Variants in TTN observed in about 807,000 individuals in gnomAD.
TTN encodes connectin.
TTN carries 1,525 observed loss-of-function variants against 3,223.0 expected under a neutral mutation model. The observed-to-expected ratio is 0.47, with a 90% CI of 0.45 to 0.49. TTN has a LOEUF of 0.49. TTN is among the 20% of genes least tolerant of loss of function. The pLI is 0.00. For synonymous variants in TTN, 14,094 were observed against 15,161.0 expected, an observed-to-expected ratio of 0.93 and a Z score of 5.17; for missense variants, 40,786 against 43,424.0, an observed-to-expected ratio of 0.94 and a Z score of 5.40.
Position 178,711,238 on chromosome 2 carries a change from G to C in TTN, c.27998C>G (p.Ser9333Cys). 1 of 1,613,798 alleles carries C rather than the reference G, an allele frequency of 6.2e-7. No homozygotes were observed. Among genetic ancestry groups the C allele is most frequent in the South Asian group, 1.1e-5 (1 of 91,074 alleles). ...AISGSEPISV[S>C]WYKDGKPLKD... ...CAATGGCTTGCCGTCTTTATACCAA[G>C]ACACGGAGATAGGTTCTGATCCACT... Residue 9333 changes from serine (S) to cysteine (C), a missense_variant, in exon 97 of 363, where the codon TCT becomes TGT. Transcript: ENST00000589042.
Position 178,734,328 on chromosome 2 carries a change from C to T in TTN, c.15496G>A (p.Glu5166Lys), listed in dbSNP as rs979660876. The T allele has an allele frequency of 1.9e-6, 3 of 1,586,106 alleles. No homozygotes were observed. The highest frequency in any genetic ancestry group is 1.3e-5 in the African/African-American group (1 of 74,114). Residue 5166 changes from glutamate to lysine, a missense_variant and splice_region_variant, in exon 52 of 363, where the codon GAA becomes AAA. Glu to Lys is a moderately conservative substitution (Grantham distance 56, BLOSUM62 1). Coordinates refer to ENST00000589042, the MANE Select transcript of TTN (RefSeq NM_001267550.2). The part of the protein sequence containing the change: ...CGCMATHLLK[E>K]PPTFVKKVDD... Reference sequence around the variant, plus strand: ...AGACATTAGTTTTTCAAGCACTAACCTTTGAGTAAGTGGGTTGCCATGCAG... The same window carrying T: ...AGACATTAGTTTTTCAAGCACTAACTTTTGAGTAAGTGGGTTGCCATGCAG...
chr2:178,729,015 T>C lies in TTN; in HGVS notation c.19023A>G (p.Ser6341=), dbSNP rs1256528190. 1 of 1,612,850 alleles carries C rather than the reference T, an allele frequency of 6.2e-7. No individual in the cohort carries two copies. Among genetic ancestry groups the C allele is most frequent in the African/African-American group, 1.3e-5 (1 of 74,866 alleles). ...GAAGTGTGGCCACACTGTCCACAAA[T>C]GAAATATAGACATTATCATCTTCAT... ...ILDEDDNVYI[S]FVDSVATLQI... Residue 6341 remains serine, a synonymous_variant, in exon 65 of 363, where the codon TCA becomes TCG. Coordinates refer to ENST00000589042, the MANE Select transcript of TTN (RefSeq NM_001267550.2).
chr2:178,543,759 G>T (rs1695719887), intron 346 of TTN, 75 bp downstream of exon 346: 1 of 1,559,286 alleles, frequency 6.4e-7, no homozygotes, highest in South Asian at 1.2e-5. Flanking sequence ...CTAGAGAGGT[G>T]ATCAATCATA....
At position 178,685,288 on chromosome 2, in the gene TTN, A is replaced by G; in HGVS notation, c.32435T>C (p.Ile10812Thr). The G allele has an allele frequency of 6.4e-7, 1 of 1,552,758 alleles. No individual in the cohort carries two copies. Among genetic ancestry groups the G allele is most frequent in the Non-Finnish European group, 8.7e-7 (1 of 1,147,796 alleles). The stretch of plus-strand genomic sequence containing the variant: ...TGGAGGCTCCTCTATTTTAGCAGGA[A>G]TTTTTGGTTTCAGTACAATTTTCTT... ...QEKKIVLKPK[I>T]PAKIEEPPPA... Residue 10812 changes from isoleucine (I) to threonine (T), a missense_variant, in exon 129 of 363, where the codon ATT becomes ACT. Physicochemically the swap from Ile to Thr is moderately conservative, Grantham distance 89 (BLOSUM62 -1). Coordinates refer to ENST00000589042, the MANE Select transcript of TTN (RefSeq NM_001267550.2).
chr2:178,775,975 T>C lies in TTN; in HGVS notation c.5889A>G (p.Lys1963=). Residue 1963 remains lysine, a synonymous_variant, in exon 28 of 363, where the codon AAA becomes AAG. Coordinates refer to ENST00000589042, the MANE Select transcript of TTN (RefSeq NM_001267550.2). Reference sequence around the variant, plus strand: ...CAGTGGTGTCAACAGGTCTATCCACTTTTTGTACTTCAAACTGAAGCTTTC... The same window carrying C: ...CAGTGGTGTCAACAGGTCTATCCACCTTTTGTACTTCAAACTGAAGCTTTC... ...EPGKLQFEVQ[K]VDRPVDTTET... is the part of the protein sequence containing the mutation. 6.2e-7 allele frequency: 1 copy of C among 1,614,182 alleles called. No individual in the cohort carries two copies. Among genetic ancestry groups the C allele is most frequent in the East Asian group, 2.2e-5 (1 of 44,886 alleles).
In TTN at chr2:178,672,647, G is replaced by A. The variant is rs727504775; in HGVS notation, c.34843C>T (p.Pro11615Ser). ...VPVPVQKKEA[P>S]PAKVPEVPKK... is the part of the protein sequence containing the mutation. ...AGAGAAGATGTACCTTTGGCTGGGG[G>A]TGCCTCTTTTTTCTGAACAGGAACA... Residue 11615 changes from proline to serine, a missense_variant, in exon 153 of 363, where the codon CCC becomes TCC. Transcript: ENST00000589042. 6 of 1,611,206 alleles carry A rather than the reference G, an allele frequency of 3.7e-6. No individual in the cohort carries two copies. The highest frequency in any genetic ancestry group is 1.7e-5 in the Admixed American group (1 of 59,658).
rs748511301 is a variant in TTN, at chr2:178,533,506, G to T, written c.103109C>A (p.Ala34370Glu). 6.2e-7 allele frequency: 1 copy of T among 1,613,502 alleles called. No homozygotes were observed. The highest frequency in any genetic ancestry group is 2.2e-5 in the East Asian group (1 of 44,874). ...TLRPMFKRLL[A>E]NAECQEGQSV... is the part of the protein sequence containing the mutation. ...TTGGCCTTCTTGGCATTCTGCATTT[G>T]CCAGTAACCTTTTGAACATGGGTCT... The change falls in exon 358 of 363, where the codon GCA becomes GAA. Residue 34370 changes from alanine to glutamate, a missense_variant. Transcript: ENST00000589042.
intron 98 of TTN, 94 bp from the exon 99 acceptor site, chr2:178,709,950 A>G: frequency 7.5e-7 from 1 of 1,326,614 alleles, no homozygotes; most frequent in Non-Finnish European, 1.0e-6. Flanking sequence ...ATTTTTAGTT[A>G]AAAATCAAGG....
chr2:178,806,875 A>C (rs546002913), intron 1 of TTN, among the ~76,000 whole-genome samples: 1 of 152,340 alleles, frequency 6.6e-6, no homozygotes, highest in African/African-American at 2.4e-5. Flanking sequence ...TGAGTAATAT[A>C]ACCTTGAACA....
chr2:178,752,849 T>C (rs545179339), intron 47 of TTN, among the ~76,000 whole-genome samples: 4 of 152,178 alleles, frequency 2.6e-5, no homozygotes, highest in South Asian at 2.1e-4. Flanking sequence ...TCTCCTAATA[T>C]ACACTTTTGG....
chr2:178,532,863 A>G lies in TTN; in HGVS notation c.103752T>C (p.Leu34584=). The G allele has an allele frequency of 6.2e-7, 1 of 1,613,956 alleles. No individual in the cohort carries two copies. The highest frequency in any genetic ancestry group is 8.5e-7 in the Non-Finnish European group (1 of 1,179,880). The change falls in exon 358 of 363, where the codon CTT becomes CTC. Residue 34584 remains leucine, a synonymous_variant. Coordinates refer to ENST00000589042, the MANE Select transcript of TTN (RefSeq NM_001267550.2). ...IRDQYEMPGK[L]DRVVQKRPKR... ...TGGGTCGTTTCTGTACAACTCTGTC[A>G]AGTTTCCCAGGCATTTCATACTGAT...
chr2:178,563,294 G>A lies in TTN; in HGVS notation c.82838C>T (p.Ala27613Val), dbSNP rs751779815. The A allele has an allele frequency of 6.2e-7, 1 of 1,613,626 alleles. No homozygotes were observed. Among genetic ancestry groups the A allele is most frequent in the South Asian group, 1.1e-5 (1 of 91,074 alleles). The change falls in exon 326 of 363, where the codon GCT (alanine) becomes GTT (valine). Residue 27613 changes from alanine to valine, a missense_variant. Coordinates refer to ENST00000589042, the MANE Select transcript of TTN (RefSeq NM_001267550.2). The surrounding 1 kb of genome is among the most constrained non-coding windows in gnomAD (Gnocchi z 4.5). ...AGTGCAGGTTGTCCATTCATCCGCAGCAGCTTCTTTGACCTCTACAACATA... is the reference window on the plus strand; with the variant it reads ...AGTGCAGGTTGTCCATTCATCCGCAACAGCTTCTTTGACCTCTACAACATA... ...KGYVVEVKEA[A>V]ADEWTTCTPP...
intron 218 of TTN, among the ~76,000 whole-genome samples, chr2:178,642,991 C>A (rs957779971): frequency 2.6e-5 from 4 of 151,950 alleles, no homozygotes; most frequent in African/African-American, 9.7e-5. Flanking sequence ...TTCAAAATTT[C>A]CTGTTGCGTC....
Position 178,607,778 on chromosome 2 carries a change from T to C in TTN, c.53002+7A>G, listed in dbSNP as rs747528330. On this transcript the variant is annotated splice_region_variant and intron_variant, in intron 276 of 362. Coordinates refer to ENST00000589042, the MANE Select transcript of TTN (RefSeq NM_001267550.2). The stretch of plus-strand genomic sequence containing the variant: ...ATCCATAATTTTATTCCAATAACGT[T>C]AAGTACCTTGTGGTTCAGCCACAGT... 1 of 1,612,842 alleles carries C rather than the reference T, an allele frequency of 6.2e-7. No homozygotes were observed.
chr2:178,674,078 A>C (rs537480912), intron 151 of TTN, among the ~76,000 whole-genome samples: 7 of 151,908 alleles, frequency 4.6e-5, no homozygotes, highest in Admixed American at 1.3e-4. Flanking sequence ...GGTCAGAAAA[A>C]AATTCAATCG....
chr2:178,712,858 C>CTAG lies in TTN; in HGVS notation c.27166_27167insCTA (p.Gly9055_Ser9056insThr), dbSNP rs1454091713. The stretch of plus-strand genomic sequence containing the variant: ...TCTGTCACCTGGTACTAGTTCACTG[C>CTAG]TACCTTTGAACCAGCTAACACTGAA... On this transcript the variant is annotated inframe_insertion, in exon 94 of 363. Transcript: ENST00000589042. 3 of 1,613,642 alleles carry CTAG rather than the reference C, an allele frequency of 1.9e-6. No individual in the cohort carries two copies. In the African/African-American group the frequency reaches 4.0e-5, roughly 22 times the overall value.
rs764842971 is a variant in TTN at position 178,590,507 on chromosome 2, A to G, written c.61218T>C (p.Tyr20406=). The G allele has an allele frequency of 1.9e-6, 3 of 1,613,008 alleles. No individual in the cohort carries two copies. The highest frequency in any genetic ancestry group is 2.5e-6 in the Non-Finnish European group (3 of 1,179,378). Residue 20406 remains tyrosine (Y), a synonymous_variant, in exon 304 of 363, where the codon TAT becomes TAC. Transcript: ENST00000589042. ...LSDGGSPILG[Y]VVECQKPGTA... is the part of the protein sequence containing the mutation. ...TGCCAGGTTTCTGACATTCCACTACATATCCTAGAATGGGGCTACCACCAT... is the reference window on the plus strand; with the variant it reads ...TGCCAGGTTTCTGACATTCCACTACGTATCCTAGAATGGGGCTACCACCAT...
chr2:178,633,184 T>C lies in TTN; in HGVS notation c.43086+3A>G, dbSNP rs2060017452. On this transcript the variant is annotated splice_donor_region_variant and intron_variant, in intron 233 of 362. Transcript: ENST00000589042. ...CCTATATAATTAGCTAATCTTGACT[T>C]ACAGGGGAAGCTGTCAAAGGCTGTC... is the stretch of plus-strand genomic sequence containing the variant. 6.2e-7 allele frequency: 1 copy of C among 1,610,000 alleles called. No individual in the cohort carries two copies. The highest frequency in any genetic ancestry group is 1.7e-5 in the Admixed American group (1 of 59,702).
rs1560260721 is a variant in TTN, at chr2:178,672,491, T to TA, written c.34856-11dup. 1 of 1,602,224 alleles carries TA rather than the reference T, an allele frequency of 6.2e-7. No individual in the cohort carries two copies. On this transcript the variant is annotated splice_polypyrimidine_tract_variant and intron_variant, in intron 153 of 362. Transcript: ENST00000589042. ...TTTGGTACTTCAGGCACTTTAAAGA[T>TA]ACAGTTTTAATATTTAGGACTGTCG...
Sources: gnomAD v4.1 joint callset for allele counts (sites outside exome capture counted in the v4.1 genomes callset) on GRCh38, gnomAD v4.1.1 for gene constraint, Gnocchi (gnomAD v3.1) non-coding constraint, MANE v1.5 for transcripts, NCBI Gene and HGNC (gene_info 2026-07-23, HGNC 2026-07-21) for gene names.